Variants in FRMD4A observed in about 807,000 individuals in gnomAD.
The protein encoded by FRMD4A is FERM domain containing 4A, also known as FERM domain-containing protein 4A.
Under a neutral mutation model 129.1 loss-of-function variants are expected in FRMD4A, and 29 were observed. The observed-to-expected ratio is 0.22, with a 90% CI of 0.17 to 0.31. The LOEUF (loss-of-function observed/expected upper bound fraction) is 0.31, where lower values mean the gene tolerates loss of function less well. FRMD4A is among the 10% of genes least tolerant of loss of function. The pLI, the probability that FRMD4A is intolerant of heterozygous loss-of-function variation, is 1.00. For synonymous variants in FRMD4A, 634 were observed against 571.6 expected (o/e 1.11, Z -1.56); for missense variants, 1,272 against 1,375.8 (o/e 0.92, Z 1.19).
chr10:14,262,469 C>T (rs902072548), intron 2 of FRMD4A, among the ~76,000 whole-genome samples: 1 of 152,060 alleles, frequency 6.6e-6, no homozygotes, highest in African/African-American at 2.4e-5. Flanking sequence ...TCTTGTGTGT[C>T]GAGGCTTATC....
chr10:13,685,640 T>C, intron 15 of FRMD4A: 9 of 984,658 alleles, frequency 9.1e-6, no homozygotes, highest in Non-Finnish European at 9.6e-6. Context: ...GAAACGCTCG[T>C]GGGAAGTGAT....
At chr10:14,233,778 A>C (rs533516047) in intron 2 of FRMD4A, among the ~76,000 whole-genome samples, 1 of 152,390 alleles carries the variant, frequency 6.6e-6, no homozygotes, top group South Asian at 2.1e-4. Context: ...CGGCAGCTGC[A>C]ATGAGGCTGC....
At chr10:14,103,550 A>G (rs139919680) in intron 2 of FRMD4A, among the ~76,000 whole-genome samples, 3 of 152,334 alleles carry the variant, frequency 2.0e-5, no homozygotes, top group African/African-American at 7.2e-5. Context: ...TTTTGTCGCA[A>G]AAGAGAAATA....
At chr10:14,303,099 T>C (rs943432905) in intron 2 of FRMD4A, among the ~76,000 whole-genome samples, 3 of 152,178 alleles carry the variant, frequency 2.0e-5, no homozygotes, top group African/African-American at 7.2e-5. Flanking sequence ...TAGAACTCCC[T>C]AGAGAGCTTT....
intron 2 of FRMD4A, among the ~76,000 whole-genome samples, chr10:14,169,535 C>T (rs759534087): frequency 2.0e-5 from 3 of 152,100 alleles, no homozygotes; most frequent in Admixed American, 6.5e-5. Flanking sequence ...TGCTTCCATC[C>T]GTAAGTTCCC....
intron 2 of FRMD4A, among the ~76,000 whole-genome samples, chr10:14,227,779 G>C (rs370588203): frequency 1.4e-4 from 22 of 152,266 alleles, no homozygotes; most frequent in African/African-American, 5.3e-4. Context: ...CCCAGAACAG[G>C]TTCCTGGCTC....
chr10:14,249,572 T>A (rs1414230673), intron 2 of FRMD4A, among the ~76,000 whole-genome samples: 2 of 152,208 alleles, frequency 1.3e-5, no homozygotes, highest in Non-Finnish European at 2.9e-5. Context: ...CAGTCAGTGC[T>A]GCTCTCAGCA....
intron 6 of FRMD4A, among the ~76,000 whole-genome samples, chr10:13,763,629 A>T (rs1226289202): frequency 1.3e-5 from 2 of 152,194 alleles, no homozygotes; most frequent in Admixed American, 1.3e-4. Context: ...TCTTCAAAGC[A>T]CTTAAACCTC....
At chr10:14,096,452 G>A (rs1281222734) in intron 2 of FRMD4A, among the ~76,000 whole-genome samples, 4 of 152,260 alleles carry the variant, frequency 2.6e-5, no homozygotes. Context: ...TATGGAGAGA[G>A]ACTTCTGATC....
intron 2 of FRMD4A, among the ~76,000 whole-genome samples, chr10:13,865,744 T>A (rs1403953395): frequency 6.6e-6 from 1 of 152,066 alleles, no homozygotes; most frequent in Non-Finnish European, 1.5e-5. Flanking sequence ...CCTAGAGCAT[T>A]TTTATAGAAA....
At chr10:14,184,332 A>AC (rs1842010324) in intron 2 of FRMD4A, among the ~76,000 whole-genome samples, 2 of 91,810 alleles carry the variant, frequency 2.2e-5, no homozygotes, top group Admixed American at 2.5e-4. Context: ...ATGGGGTTTC[A>AC]CCATGTTGGC....
At chr10:13,695,869 G>C (rs977223430) in intron 14 of FRMD4A, among the ~76,000 whole-genome samples, 1 of 152,216 alleles carries the variant, frequency 6.6e-6, no homozygotes, top group Admixed American at 6.5e-5. Flanking sequence ...AGCCAGGGCT[G>C]TCTGAATGCC....
At chr10:13,978,328 G>A (rs1040377374) in intron 2 of FRMD4A, among the ~76,000 whole-genome samples, 2 of 152,152 alleles carry the variant, frequency 1.3e-5, no homozygotes, top group African/African-American at 2.4e-5. Context: ...TGCAGCAGAT[G>A]GAATCTGGGG....
At chr10:13,936,434 G>C (rs2095249715) in intron 2 of FRMD4A, among the ~76,000 whole-genome samples, 1 of 152,080 alleles carries the variant, frequency 6.6e-6, no homozygotes, top group Admixed American at 6.6e-5. Context: ...TTCCTATATT[G>C]GAATCCTCAA....
At chr10:13,665,981 G>T (rs1194641091) in intron 18 of FRMD4A, 116 bp downstream of exon 18, 8 of 687,438 alleles carry the variant, frequency 1.2e-5, no homozygotes, top group Non-Finnish European at 2.1e-5. Context: ...ACAAATGAAG[G>T]CAGCGGACAG....
At chr10:13,657,791 T>G (rs1230279974) in intron 21 of FRMD4A, among the ~76,000 whole-genome samples, 1 of 149,996 alleles carries the variant, frequency 6.7e-6, no homozygotes, top group Non-Finnish European at 1.5e-5. Flanking sequence ...TTTCTGGGTT[T>G]TTTTTTTTTT....
At chr10:14,230,778 C>T (rs1335220331) in intron 2 of FRMD4A, among the ~76,000 whole-genome samples, 1 of 152,142 alleles carries the variant, frequency 6.6e-6, no homozygotes, top group African/African-American at 2.4e-5. Flanking sequence ...TTGTCACCCT[C>T]CTTCCACCTT....
At chr10:13,927,911 A>G (rs2095151348) in intron 2 of FRMD4A, among the ~76,000 whole-genome samples, 1 of 152,190 alleles carries the variant, frequency 6.6e-6, no homozygotes, top group Admixed American at 6.5e-5. Flanking sequence ...GTCCATTTTC[A>G]GAATTCAACT....
chr10:13,892,674 TAA>T (rs902965294), intron 2 of FRMD4A, among the ~76,000 whole-genome samples: 12 of 152,156 alleles, frequency 7.9e-5, no homozygotes, highest in Non-Finnish European at 1.3e-4. Context: ...TGTTTCTGGG[TAA>T]AGTCTTTCTC....
Sources: gnomAD v4.1 joint callset for allele counts (sites outside exome capture counted in the v4.1 genomes callset) on GRCh38, gnomAD v4.1.1 for gene constraint, MANE v1.5 for transcripts, NCBI Gene and HGNC (gene_info 2026-07-23, HGNC 2026-07-21) for gene names.